CNTN4: variants seen among roughly 807,000 people sequenced by gnomAD.
The protein encoded by CNTN4 is contactin 4.
A neutral mutation model predicts 122.5 loss-of-function variants in CNTN4; 77 were observed. The ratio of observed to expected loss-of-function variants is 0.63; its 90% confidence interval spans 0.52 to 0.76. CNTN4 has a LOEUF of 0.76. Ranked by LOEUF, CNTN4 falls within the 30% of genes least tolerant of loss-of-function variation. The pLI is 0.00. For synonymous variants in CNTN4, 512 were observed against 447.0 expected (o/e 1.15, Z -1.83); for missense variants, 1,256 against 1,259.1 (o/e 1.00, Z 0.04).
intron 13 of CNTN4, among the ~76,000 whole-genome samples, chr3:2,985,927 T>C (rs1272878964): frequency 6.6e-6 from 1 of 151,068 alleles, no homozygotes; most frequent in Non-Finnish European, 1.5e-5. Context: ...TTTTTTTTTT[T>C]TTTTCGAGAC....
At chr3:3,008,309 C>T (rs1393123578) in intron 14 of CNTN4, among the ~76,000 whole-genome samples, 2 of 152,086 alleles carry the variant, frequency 1.3e-5, no homozygotes, top group Admixed American at 6.5e-5. Context: ...CCTAAATGAG[C>T]GTTAGGCCAC....
chr3:2,285,717 A>G (rs575474456), intron 2 of CNTN4, among the ~76,000 whole-genome samples: 1 of 152,210 alleles, frequency 6.6e-6, no homozygotes, highest in African/African-American at 2.4e-5. Flanking sequence ...GATCATCACT[A>G]ATGTCATTTT....
chr3:3,044,149 G>A (rs1700408405), intron 23 of CNTN4, among the ~76,000 whole-genome samples: 1 of 152,174 alleles, frequency 6.6e-6, no homozygotes, highest in Admixed American at 6.5e-5. Context: ...GAGAGAAAAA[G>A]CAGGAAAAGT....
intron 15 of CNTN4, among the ~76,000 whole-genome samples, chr3:3,027,490 A>G (rs1444259441): frequency 6.6e-6 from 1 of 152,204 alleles, no homozygotes; most frequent in Non-Finnish European, 1.5e-5. Flanking sequence ...TCACAAAGAC[A>G]TTGGAGATAT....
chr3:2,713,356 A>G (rs2149350596), intron 4 of CNTN4, among the ~76,000 whole-genome samples: 1 of 152,328 alleles, frequency 6.6e-6, no homozygotes, highest in East Asian at 1.9e-4. Flanking sequence ...AAATTGTTTC[A>G]GTTTTTTCTA....
intron 3 of CNTN4, among the ~76,000 whole-genome samples, chr3:2,353,582 G>A (rs2044734888): frequency 6.6e-6 from 1 of 151,994 alleles, no homozygotes; most frequent in Non-Finnish European, 1.5e-5. Context: ...GAACCCACCG[G>A]GAGGAATGAG....
At chr3:2,163,548 C>T (rs560963203) in intron 2 of CNTN4, among the ~76,000 whole-genome samples, 19 of 151,978 alleles carry the variant, frequency 1.3e-4, no homozygotes, top group Non-Finnish European at 1.9e-4. Context: ...AAGAAATAGT[C>T]AGCAAGTAAA....
chr3:2,223,850 G>T (rs2039158290), intron 2 of CNTN4, among the ~76,000 whole-genome samples: 6 of 152,112 alleles, frequency 3.9e-5, no homozygotes, highest in Admixed American at 3.3e-4. Flanking sequence ...ATATGTAAGT[G>T]CAGCCATCCC....
chr3:2,716,020 A>G (rs1168576052), intron 4 of CNTN4, among the ~76,000 whole-genome samples: 2 of 152,070 alleles, frequency 1.3e-5, no homozygotes, highest in Non-Finnish European at 2.9e-5. Flanking sequence ...CTTATAGTGC[A>G]GTGGCATGAT....
intron 20 of CNTN4, chr3:3,040,499 T>A: frequency 1.8e-6 from 1 of 567,754 alleles, no homozygotes. Flanking sequence ...TTGATTCCAT[T>A]GCTAAGGACC....
rs934511800 is a variant in CNTN4, at chr3:2,257,984, A to C, written c.-144-81194A>C. On this transcript the variant is annotated intron_variant, in intron 2 of 24. Transcript: ENST00000418658. ...AGGCTGAGGCAGGAGAATCACTTCAACCCGGGAGGTGGAAGTTGCAGTGAG... is the reference window on the plus strand; with the variant it reads ...AGGCTGAGGCAGGAGAATCACTTCACCCCGGGAGGTGGAAGTTGCAGTGAG... Among the ~76,000 whole-genome samples the C allele has an allele frequency of 2.0e-5, 3 of 152,116 alleles. No individual in the cohort carries two copies. The South Asian group carries it at 6.2e-4, about 31-fold the overall frequency.
At position 2,636,840 on chromosome 3, in the gene CNTN4, C is replaced by T. The variant is rs80178287; in HGVS notation, c.55+65282C>T. On this transcript the variant is annotated intron_variant, in intron 4 of 24. Transcript: ENST00000418658. Reference sequence around the variant, plus strand: ...GGCTTTAGAATTGACAATACCCTTTCATATACATCTCTATATCAGTTTTTA... The same window carrying T: ...GGCTTTAGAATTGACAATACCCTTTTATATACATCTCTATATCAGTTTTTA... Among the ~76,000 whole-genome samples the T allele has an allele frequency of 9.0e-3, 1,357 of 151,526 alleles. 22 individuals carry two copies. The highest frequency in any genetic ancestry group is 0.032 in the African/African-American group (1,305 of 41,394).
chr3:2,187,271 G>T (rs761501810), intron 2 of CNTN4, among the ~76,000 whole-genome samples: 10 of 152,186 alleles, frequency 6.6e-5, no homozygotes, highest in South Asian at 2.1e-4. Context: ...GGCTCTGTTC[G>T]GTTCCATTGA....
intron 6 of CNTN4, among the ~76,000 whole-genome samples, chr3:2,796,512 G>A (rs1198995248): frequency 6.6e-6 from 1 of 152,020 alleles, no homozygotes; most frequent in East Asian, 1.9e-4. Flanking sequence ...AAAATGAAGA[G>A]CTAGAATCTA....
intron 2 of CNTN4, among the ~76,000 whole-genome samples, chr3:2,226,286 C>T (rs1007746129): frequency 8.5e-5 from 13 of 152,070 alleles, no homozygotes; most frequent in African/African-American, 2.9e-4. Flanking sequence ...CACTCCCTAT[C>T]GTAGTTAGCA....
intron 4 of CNTN4, among the ~76,000 whole-genome samples, chr3:2,705,746 GATATATA>G (rs1212371060): frequency 4.5e-5 from 4 of 88,164 alleles, no homozygotes; most frequent in Non-Finnish European, 7.7e-5. Flanking sequence ...TGATATATAT[GATATATA>G]ATATATAATA....
chr3:3,016,986 C>T (rs1488660533), intron 14 of CNTN4, among the ~76,000 whole-genome samples: 3 of 152,042 alleles, frequency 2.0e-5, no homozygotes, highest in Admixed American at 1.3e-4. Context: ...CACGTTGTTC[C>T]GAGAACCAGG....
rs1053283821 is a variant in CNTN4 at position 2,709,215 on chromosome 3, C to G, written c.56-27000C>G. Reference sequence around the variant, plus strand: ...AACCAAATTTTATTGGTAAAAATAACTATTTCTTTTAGAATAAAGAATGTA... The same window carrying G: ...AACCAAATTTTATTGGTAAAAATAAGTATTTCTTTTAGAATAAAGAATGTA... On this transcript the variant is annotated intron_variant, in intron 4 of 24. Transcript: ENST00000418658. This position sits in a 1 kb window ranked among gnomAD's most constrained non-coding sequence, Gnocchi z 5.0. Among the ~76,000 whole-genome samples, 1 of 152,154 alleles carries G rather than the reference C, an allele frequency of 6.6e-6. No individual in the cohort carries two copies. The highest frequency in any genetic ancestry group is 6.5e-5 in the Admixed American group (1 of 15,272).
intron 2 of CNTN4, among the ~76,000 whole-genome samples, chr3:2,303,646 C>G (rs1055004858): frequency 6.6e-6 from 1 of 152,120 alleles, no homozygotes; most frequent in Admixed American, 6.5e-5. Flanking sequence ...ATCTGTCTTT[C>G]TCATGACTTT....
Sources: gnomAD v4.1 joint callset for allele counts (sites outside exome capture counted in the v4.1 genomes callset) on GRCh38, gnomAD v4.1.1 for gene constraint, Gnocchi (gnomAD v3.1) non-coding constraint, MANE v1.5 for transcripts, NCBI Gene and HGNC (gene_info 2026-07-23, HGNC 2026-07-21) for gene names.